Variants in GIGYF2 observed in about 807,000 individuals in gnomAD.
The protein encoded by GIGYF2 is GRB10 interacting GYF protein 2.
In GIGYF2, 25 loss-of-function variants were observed where a neutral mutation model predicts 208.1. The ratio of observed to expected loss-of-function variants is 0.12; its 90% CI spans 0.09 to 0.17. The LOEUF (loss-of-function observed/expected upper bound fraction) is 0.17. Ranked by LOEUF, GIGYF2 falls within the 10% of genes least tolerant of loss-of-function variation. GIGYF2 has a pLI of 1.00. For synonymous variants in GIGYF2, 534 were observed against 543.8 expected (o/e 0.98, Z 0.25); for missense variants, 1,302 against 1,579.4 (o/e 0.82, Z 2.98).
chr2:232,807,476 T>C (rs989218764), intron 15 of GIGYF2, among the ~76,000 whole-genome samples: 3 of 152,168 alleles, frequency 2.0e-5, no homozygotes, highest in Non-Finnish European at 4.4e-5. Context: ...TGAGCTGTGA[T>C]TGCACCGCTG....
intron 19 of GIGYF2, among the ~76,000 whole-genome samples, chr2:232,816,555 G>A (rs3816336): frequency 0.05 from 7,658 of 152,174 alleles, 277 homozygotes; most frequent in East Asian, 0.17. Flanking sequence ...AAGTACAGGT[G>A]GGAGGAAAGT....
intron 8 of GIGYF2, among the ~76,000 whole-genome samples, chr2:232,775,792 A>G (rs1487408148): frequency 6.6e-6 from 1 of 152,240 alleles, no homozygotes; most frequent in African/African-American, 2.4e-5. Flanking sequence ...ACTAACAAAC[A>G]TTAAATGAAG....
intron 8 of GIGYF2, among the ~76,000 whole-genome samples, chr2:232,781,464 T>A (rs1371765369): frequency 6.6e-6 from 1 of 151,974 alleles, no homozygotes; most frequent in African/African-American, 2.4e-5. Context: ...AATTTTTAGT[T>A]ATATTAGTAG....
chr2:232,833,050 G>GGTT lies in GIGYF2; in HGVS notation c.2725_2727dup (p.Leu909dup). 6.4e-7 allele frequency: 1 copy of GGTT among 1,556,266 alleles called. No individual in the cohort carries two copies. Among genetic ancestry groups the GGTT allele is most frequent in the Non-Finnish European group, 8.7e-7 (1 of 1,149,610 alleles). ...CAGCAGCAGCAAGAGGCTCTCCGGA[G>GGTT]GTTGCAGCAGCAGCAGCAGCAACAA... On this transcript the variant is annotated inframe_insertion, in exon 22 of 29. Coordinates refer to ENST00000373563, the MANE Select transcript of GIGYF2 (RefSeq NM_001103146.3).
At chr2:232,771,114 A>G in intron 8 of GIGYF2, 1 of 1,614,140 alleles carries the variant, frequency 6.2e-7, no homozygotes, top group East Asian at 2.2e-5. Context: ...GTTCCAGATC[A>G]CCATTCATCT....
rs181592861 is a variant in GIGYF2, at chr2:232,837,360, G to C, written c.2767-2489G>C. Among the ~76,000 whole-genome samples the C allele has an allele frequency of 1.5e-4, 23 of 152,344 alleles. 1 individual carries two copies. The highest frequency in any genetic ancestry group is 5.5e-4 in the African/African-American group (23 of 41,574). ...AGAAGGAGAGTAGGTCTTGGTTTAA[G>C]TATCACCAACTCTTGCTGTTCTTAC... On this transcript the variant is annotated intron_variant, in intron 22 of 28. Transcript: ENST00000373563.
chr2:232,847,467 C>T lies in GIGYF2; in HGVS notation c.3580C>T (p.Arg1194Cys), dbSNP rs750085538. 9.9e-6 allele frequency: 16 copies of T among 1,613,638 alleles called. No individual in the cohort carries two copies. Among genetic ancestry groups the T allele is most frequent in the South Asian group, 5.5e-5 (5 of 91,066 alleles). The change falls in exon 27 of 29, where the codon CGC (arginine) becomes TGC (cysteine). Residue 1194 changes from arginine to cysteine, a missense_variant. Arg to Cys is a radical substitution (Grantham distance 180, BLOSUM62 -3). Around this residue, in one of 8 missense-constraint regions of GIGYF2, gnomAD observed 701 missense variants for 793.0 expected, o/e 0.88. Coordinates refer to ENST00000373563, the MANE Select transcript of GIGYF2 (RefSeq NM_001103146.3). The stretch of plus-strand genomic sequence containing the variant: ...GGAGTTTGCCAAGCAGTTCCTTGAG[C>T]GCCGTGCCAAACAGAAAGCCAACCA... ...AKEFAKQFLERRAKQKANQQR... is the reference protein window; with the variant it reads ...AKEFAKQFLECRAKQKANQQR...
At chr2:232,768,580 C>T (rs1372503037) in intron 8 of GIGYF2, 3 of 1,614,004 alleles carry the variant, frequency 1.9e-6, no homozygotes, top group African/African-American at 1.3e-5. Flanking sequence ...GGACATTCGT[C>T]AGAACTGATG....
chr2:232,744,698 AT>A (rs1698085910), intron 3 of GIGYF2, among the ~76,000 whole-genome samples: 1 of 151,810 alleles, frequency 6.6e-6, no homozygotes, highest in Non-Finnish European at 1.5e-5. Context: ...TACCTGGCTA[AT>A]TTTTGTATTT....
At chr2:232,775,429 A>T (rs1375103983) in intron 8 of GIGYF2, among the ~76,000 whole-genome samples, 1 of 152,228 alleles carries the variant, frequency 6.6e-6, no homozygotes, top group Non-Finnish European at 1.5e-5. Context: ...TACAAAGGAT[A>T]CAAGTTTCCT....
chr2:232,845,944 G>A, intron 26 of GIGYF2, 58 bp downstream of exon 26: 2 of 1,226,840 alleles, frequency 1.6e-6, no homozygotes, highest in Non-Finnish European at 2.4e-6. Context: ...CCCACAGAGA[G>A]GCTGGCAAAT....
chr2:232,702,864 A>G (rs1695919092), intron 1 of GIGYF2, among the ~76,000 whole-genome samples: 1 of 152,182 alleles, frequency 6.6e-6, no homozygotes, highest in African/African-American at 2.4e-5. Flanking sequence ...GTACAGTTGC[A>G]GCTCACTGCA....
chr2:232,735,502 T>C (rs996753290), intron 3 of GIGYF2: 4 of 369,636 alleles, frequency 1.1e-5, no homozygotes, highest in Non-Finnish European at 1.8e-5. Flanking sequence ...TTATTTTCTT[T>C]TTATTTGAGT....
Position 232,844,168 on chromosome 2 carries a change from G to A in GIGYF2, c.3012G>A (p.Glu1004=), listed in dbSNP as rs1258938654. 6.4e-7 allele frequency: 1 copy of A among 1,564,998 alleles called. No individual in the cohort carries two copies. Among genetic ancestry groups the A allele is most frequent in the African/African-American group, 1.4e-5 (1 of 73,492 alleles). ...CAGGTACCACGAAATCTCTTCTGGA[G>A]ATCCAGCAGGAAGAGGCCAGGCAAA... ...KPSGTTKSLL[E]IQQEEARQMQ... The change falls in exon 24 of 29, where the codon GAG becomes GAA. Residue 1004 remains glutamate (E), a synonymous_variant. Coordinates refer to ENST00000373563, the MANE Select transcript of GIGYF2 (RefSeq NM_001103146.3).
chr2:232,791,179 T>A lies in GIGYF2; in HGVS notation c.1093+9T>A. On this transcript the variant is annotated intron_variant, in intron 11 of 28. Transcript: ENST00000373563. ...AGATAGAGTAGGAGTTGGTAAGGCC[T>A]CTTCTTGCCCTTTGCCTTTTTTTTC... The A allele has an allele frequency of 6.2e-7, 1 of 1,613,994 alleles. No homozygotes were observed. Among genetic ancestry groups the A allele is most frequent in the Non-Finnish European group, 8.5e-7 (1 of 1,179,930 alleles).
chr2:232,784,874 G>C (rs988457854), intron 8 of GIGYF2, among the ~76,000 whole-genome samples: 3 of 151,944 alleles, frequency 2.0e-5, no homozygotes, highest in African/African-American at 7.3e-5. Flanking sequence ...GGTCATGAGG[G>C]TGGATCCCTC....
intron 3 of GIGYF2, among the ~76,000 whole-genome samples, chr2:232,740,820 A>T (rs1464184066): frequency 6.6e-6 from 1 of 152,166 alleles, no homozygotes; most frequent in African/African-American, 2.4e-5. Context: ...GGAGGATGAG[A>T]TGTGTTAATA....
intron 3 of GIGYF2, 130 bp downstream of exon 3, chr2:232,735,368 C>A: frequency 1.4e-6 from 1 of 709,900 alleles, no homozygotes; most frequent in Non-Finnish European, 2.5e-6. Context: ...TCGCTGAAAA[C>A]AATGTGTTAG....
At chr2:232,822,728 G>A (rs1701130770) in intron 21 of GIGYF2, among the ~76,000 whole-genome samples, 1 of 152,178 alleles carries the variant, frequency 6.6e-6, no homozygotes. Flanking sequence ...GGAATTGCCA[G>A]TTCTATAGAA....
Sources: allele counts gnomAD v4.1 joint callset (sites outside exome capture counted in the v4.1 genomes callset), GRCh38; gene constraint gnomAD v4.1.1; regional missense constraint gnomAD v4.1.1; transcripts MANE v1.5; gene names NCBI Gene and HGNC (gene_info 2026-07-23, HGNC 2026-07-21).